MAL2: variants seen among roughly 807,000 people sequenced by gnomAD.
The protein encoded by MAL2 is protein MAL2.
In MAL2, 17 loss-of-function variants were observed where a neutral mutation model predicts 18.1. That is an observed-to-expected ratio of 0.94 (90% CI 0.64 to 1.41). The LOEUF (loss-of-function observed/expected upper bound fraction) is 1.41, where lower values mean the gene tolerates loss of function less well. Among genes scored for constraint, MAL2 ranks in the 40% most tolerant of loss-of-function variants. The pLI is 0.00. For synonymous variants in MAL2, 102 were observed against 102.3 expected, an observed-to-expected ratio of 1.00 and a Z score of 0.02; for missense variants, 222 against 231.9, an observed-to-expected ratio of 0.96 and a Z score of 0.28.
intron 2 of MAL2, 102 bp from the exon 3 acceptor site, chr8:119,240,063 A>C: frequency 8.2e-7 from 1 of 1,223,494 alleles, no homozygotes; most frequent in Non-Finnish European, 1.1e-6. Context: ...AGATTGTTTA[A>C]TTAAATGTTT....
chr8:119,239,661 A>C (rs1369479307), intron 2 of MAL2, among the ~76,000 whole-genome samples: 1 of 151,752 alleles, frequency 6.6e-6, no homozygotes, highest in East Asian at 1.9e-4. Flanking sequence ...TCAGTAAACT[A>C]TCGCAAGAAC....
chr8:119,222,144 T>G (rs1817477199), intron 2 of MAL2, among the ~76,000 whole-genome samples: 1 of 152,056 alleles, frequency 6.6e-6, no homozygotes. Context: ...AAATATGTAT[T>G]TTTTTTTCAG....
intron 1 of MAL2, among the ~76,000 whole-genome samples, chr8:119,213,770 A>G (rs964321896): frequency 2.6e-5 from 4 of 152,200 alleles, no homozygotes; most frequent in African/African-American, 9.7e-5. Flanking sequence ...GTGAGCCAAG[A>G]TCGCACCATC....
At chr8:119,214,496 A>G (rs1817316577) in intron 1 of MAL2, among the ~76,000 whole-genome samples, 1 of 152,230 alleles carries the variant, frequency 6.6e-6, no homozygotes, top group Non-Finnish European at 1.5e-5. Flanking sequence ...GGGTCTGGCC[A>G]ATATCAGGGC....
intron 1 of MAL2, among the ~76,000 whole-genome samples, chr8:119,211,882 T>A (rs1281209761): frequency 2.6e-5 from 4 of 152,106 alleles, no homozygotes; most frequent in Non-Finnish European, 5.9e-5. Flanking sequence ...ACCTTCAAAA[T>A]TCGCACTTTC....
chr8:119,239,551 A>T (rs1817999880), intron 2 of MAL2, among the ~76,000 whole-genome samples: 1 of 152,160 alleles, frequency 6.6e-6, no homozygotes, highest in African/African-American at 2.4e-5. Flanking sequence ...CTGGATTAAG[A>T]AAATGTGGCA....
intron 2 of MAL2, among the ~76,000 whole-genome samples, chr8:119,228,418 C>A (rs1587131519): frequency 2.0e-5 from 3 of 152,124 alleles, no homozygotes; most frequent in East Asian, 1.9e-4. Flanking sequence ...TTGCTTTTAC[C>A]CCTAAGTTTC....
At chr8:119,212,217 T>C (rs1817277889) in intron 1 of MAL2, among the ~76,000 whole-genome samples, 2 of 152,206 alleles carry the variant, frequency 1.3e-5, no homozygotes, top group Non-Finnish European at 1.5e-5. Context: ...TCTTGTAAAA[T>C]GCACAAGAAA....
At position 119,243,533 on chromosome 8, in the gene MAL2, C is replaced by T. The variant is rs545876266; in HGVS notation, c.*45C>T. The T allele has an allele frequency of 1.1e-5, 17 of 1,490,180 alleles. No individual in the cohort carries two copies. Among genetic ancestry groups the T allele is most frequent in the Non-Finnish European group, 1.5e-5 (17 of 1,103,164 alleles). The allele number at this position is 1,490,180 out of a possible 1,614,324, so 92.3% of individuals were successfully genotyped here. On this transcript the variant is annotated 3_prime_UTR_variant, in exon 4 of 4. Transcript: ENST00000614891. ...GTCGTATGTTAGTTTCACTTGTCTA[C>T]TTTATATGTCTGATCAATTTGGATA...
At chr8:119,233,425 G>A (rs556991929) in intron 2 of MAL2, among the ~76,000 whole-genome samples, 2,210 of 152,106 alleles carry the variant, frequency 0.015, 54 homozygotes, top group African/African-American at 0.051. Flanking sequence ...TTGATAGACT[G>A]CTAGCAAGAC....
chr8:119,221,423 A>T, intron 1 of MAL2, 164 bp from the exon 2 acceptor site: 1 of 749,634 alleles, frequency 1.3e-6, no homozygotes, highest in Non-Finnish European at 2.2e-6. Context: ...GAAAGAAGGC[A>T]TCTTACATAA....
At chr8:119,233,236 G>C (rs548588672) in intron 2 of MAL2, among the ~76,000 whole-genome samples, 1 of 152,090 alleles carries the variant, frequency 6.6e-6, no homozygotes, top group African/African-American at 2.4e-5. Flanking sequence ...ATCCAAAATT[G>C]ACACCCTAAC....
In MAL2 at chr8:119,228,471, T is replaced by C. The variant is rs192485383; in HGVS notation, c.303+6714T>C. Among the ~76,000 whole-genome samples the C allele has an allele frequency of 2.9e-3, 432 of 151,176 alleles. 1 individual carries two copies. The highest frequency in any genetic ancestry group is 9.9e-3 in the African/African-American group (407 of 41,284). ...CACAATAACATGTAGGAAGCTCTTC[T>C]TCAGTGTATCTACTGCATCCTAAAG... On this transcript the variant is annotated intron_variant, in intron 2 of 3. Transcript: ENST00000614891.
At chr8:119,209,781 CGTGA>C (rs1817243374) in intron 1 of MAL2, among the ~76,000 whole-genome samples, 1 of 152,114 alleles carries the variant, frequency 6.6e-6, no homozygotes, top group African/African-American at 2.4e-5. Flanking sequence ...AAAGAGGAGA[CGTGA>C]GTGAGTTGCA....
chr8:119,208,837 G>A lies in MAL2; in HGVS notation c.132+233G>A. ...CCCCCGCGGGCGACGGAAATTGCCT[G>A]GGGAGGGCGAGTAGGCGGCCCGGCA... On this transcript the variant is annotated intron_variant, in intron 1 of 3. Transcript: ENST00000614891. This position sits in a 1 kb window ranked among gnomAD's most constrained non-coding sequence, Gnocchi z 4.3. 1.8e-6 allele frequency: 1 copy of A among 543,366 alleles called. No individual in the cohort carries two copies. The highest frequency in any genetic ancestry group is 2.7e-6 in the Non-Finnish European group (1 of 373,926). The allele number at this position is 543,366 out of a possible 1,614,324, so 33.7% of individuals were successfully genotyped here. A position where few individuals can be genotyped will look rare whatever the true frequency, so the allele number is the denominator to read the frequency against.
chr8:119,209,119 T>A, intron 1 of MAL2: 1 of 162,066 alleles, frequency 6.2e-6, no homozygotes. Flanking sequence ...TTGAACATGC[T>A]TTTTCCCCAC....
At chr8:119,227,721 A>T (rs897489252) in intron 2 of MAL2, among the ~76,000 whole-genome samples, 5 of 152,206 alleles carry the variant, frequency 3.3e-5, no homozygotes, top group Non-Finnish European at 7.3e-5. Flanking sequence ...TTCTCCATAT[A>T]CATCTGGGAG....
chr8:119,240,360 TC>T, intron 3 of MAL2, 40 bp downstream of exon 3: 1 of 1,597,872 alleles, frequency 6.3e-7, no homozygotes, highest in Non-Finnish European at 8.6e-7. Flanking sequence ...CACCAGCACT[TC>T]CGCTCCACTG....
chr8:119,216,843 G>A (rs566660831), intron 1 of MAL2, among the ~76,000 whole-genome samples: 22 of 152,206 alleles, frequency 1.4e-4, no homozygotes, highest in Admixed American at 9.2e-4. Flanking sequence ...GAAATTAGCC[G>A]GTTTACTTTG....
Sources: gnomAD v4.1 joint callset for allele counts (sites outside exome capture counted in the v4.1 genomes callset) on GRCh38, gnomAD v4.1.1 for gene constraint, Gnocchi (gnomAD v3.1) non-coding constraint, MANE v1.5 for transcripts, NCBI Gene and HGNC (gene_info 2026-07-23, HGNC 2026-07-21) for gene names.